NR2F6: variants seen among roughly 807,000 people sequenced by gnomAD.
NR2F6 encodes the protein nuclear receptor subfamily 2 group F member 6.
NR2F6 carries 16 observed loss-of-function variants against 26.5 expected under a neutral mutation model. That is an observed-to-expected ratio of 0.60 (90% CI 0.41 to 0.92). NR2F6 has a LOEUF of 0.92. NR2F6 is among the 40% of genes least tolerant of loss of function. The pLI, the probability that NR2F6 is intolerant of heterozygous loss-of-function variation, is 0.00. For missense variants in NR2F6, 536 were observed against 631.7 expected, an observed-to-expected ratio of 0.85 and a Z score of 1.62; for synonymous variants, 325 against 305.0, an observed-to-expected ratio of 1.07 and a Z score of -0.68.
rs1233486661 is a variant in NR2F6, at chr19:17,232,641, G to T, written c.941-15C>A. On this transcript the variant is annotated splice_polypyrimidine_tract_variant and intron_variant, in intron 3 of 3. Transcript: ENST00000291442. ...GCCACAGGCGTCTAGGGGGACAAAG[G>T]CAAGTCAGACAGGTGGGAGGCAGCT... is the stretch of plus-strand genomic sequence containing the variant. 1 of 1,519,712 alleles carries T rather than the reference G, an allele frequency of 6.6e-7. No homozygotes were observed. The highest frequency in any genetic ancestry group is 2.1e-5 in the Admixed American group (1 of 47,440). The allele number at this position is 1,519,712 out of a possible 1,614,324, so 94.1% of individuals were successfully genotyped here. A position where few individuals can be genotyped will look rare whatever the true frequency, so the allele number is the denominator to read the frequency against.
rs1422517010 is a variant in NR2F6 at position 17,245,846 on chromosome 19, C to T, written c.-626G>A. 6.8e-6 allele frequency: 1 copy of T among 146,750 alleles called. No homozygotes were observed. The highest frequency in any genetic ancestry group is 2.0e-4 in the East Asian group (1 of 5,072). 9.1% of individuals were successfully genotyped at this position (146,750 alleles called of 1,614,324 possible). A position where few individuals can be genotyped will look rare whatever the true frequency, so the allele number is the denominator to read the frequency against. ...GCTCCTGCCTGGCCTGGGCCTGCGCCTGGGCCCAAGCCTCGCTCTCGCCGC... is the reference window on the plus strand; with the variant it reads ...GCTCCTGCCTGGCCTGGGCCTGCGCTTGGGCCCAAGCCTCGCTCTCGCCGC... On this transcript the variant is annotated 5_prime_UTR_variant, in exon 1 of 4. Transcript: ENST00000291442. The surrounding 1 kb of genome is among the most constrained non-coding windows in gnomAD (Gnocchi z 5.0).
chr19:17,241,611 C>T (rs1001348808), intron 1 of NR2F6, among the ~76,000 whole-genome samples: 1 of 152,274 alleles, frequency 6.6e-6, no homozygotes, highest in Non-Finnish European at 1.5e-5. Context: ...TCTCTTGCCA[C>T]CAGGAGCTGG....
chr19:17,241,167 G>T (rs2073467155), intron 1 of NR2F6, among the ~76,000 whole-genome samples: 1 of 152,186 alleles, frequency 6.6e-6, no homozygotes, highest in Non-Finnish European at 1.5e-5. Flanking sequence ...GCTGAGCAGG[G>T]TCATTGTCCC....
Position 17,245,251 on chromosome 19 carries a change from C to G in NR2F6, c.-31G>C. ...CAGGGCAGCGGGGCCGGGGCGCCCC[C>G]ACCGCGCTCTTCCCTCCGGGCACCC... On this transcript the variant is annotated 5_prime_UTR_variant, in exon 1 of 4. Coordinates refer to ENST00000291442, the MANE Select transcript of NR2F6 (RefSeq NM_005234.4). The surrounding 1 kb of genome is among the most constrained non-coding windows in gnomAD (Gnocchi z 5.0). 1 of 1,232,918 alleles carries G rather than the reference C, an allele frequency of 8.1e-7. No homozygotes were observed. Among genetic ancestry groups the G allele is most frequent in the Non-Finnish European group, 1.0e-6 (1 of 990,896 alleles). The allele number at this position is 1,232,918 out of a possible 1,614,324, so 76.4% of individuals were successfully genotyped here. A position where few individuals can be genotyped will look rare whatever the true frequency, so the allele number is the denominator to read the frequency against.
chr19:17,240,848 G>T, intron 1 of NR2F6, 83 bp from the exon 2 acceptor site: 1 of 1,378,748 alleles, frequency 7.3e-7, no homozygotes, highest in Non-Finnish European at 1.0e-6. Flanking sequence ...TTTGGAGGCT[G>T]CCCCTCAGAA....
intron 2 of NR2F6, among the ~76,000 whole-genome samples, chr19:17,238,012 C>T (rs2073449099): frequency 6.6e-6 from 1 of 152,124 alleles, no homozygotes; most frequent in South Asian, 2.1e-4. Flanking sequence ...TGGTAGCGAA[C>T]ACCTGTAATC....
chr19:17,242,728 T>C (rs1373456908), intron 1 of NR2F6, among the ~76,000 whole-genome samples: 1 of 152,158 alleles, frequency 6.6e-6, no homozygotes, highest in African/African-American at 2.4e-5. Context: ...GGGGCGGCCC[T>C]GCAGGCAGGC....
At chr19:17,240,562 G>T in intron 2 of NR2F6, 109 bp downstream of exon 2, 4 of 1,052,462 alleles carry the variant, frequency 3.8e-6, no homozygotes, top group Non-Finnish European at 5.6e-6. Context: ...CCAGACCCCT[G>T]TGAAAGGGAG....
Position 17,235,919 on chromosome 19 carries a change from G to A in NR2F6, c.520C>T (p.Leu174=). The A allele has an allele frequency of 6.8e-7, 1 of 1,479,816 alleles. No individual in the cohort carries two copies. Among genetic ancestry groups the A allele is most frequent in the East Asian group, 2.9e-5 (1 of 34,466 alleles). The allele number at this position is 1,479,816 out of a possible 1,614,324, so 91.7% of individuals were successfully genotyped here. A position where few individuals can be genotyped will look rare whatever the true frequency, so the allele number is the denominator to read the frequency against. The change falls in exon 3 of 4, where the codon CTG becomes TTG. Residue 174 remains leucine (L), a synonymous_variant. Transcript: ENST00000291442. The surrounding 1 kb of genome is among the most constrained non-coding windows in gnomAD (Gnocchi z 5.0). The stretch of plus-strand genomic sequence containing the variant: ...GCCGCAGGGTAGGGCTCAGCGCGCA[G>A]CAGCTGCGCGATCAGTTCGGACACC... The part of the protein sequence containing the change: ...QPVSELIAQL[L]RAEPYPAAAG...
intron 1 of NR2F6, among the ~76,000 whole-genome samples, chr19:17,241,995 G>A (rs2073472110): frequency 7.1e-6 from 1 of 141,600 alleles, no homozygotes; most frequent in South Asian, 2.2e-4. Context: ...CAGCCAGGGT[G>A]ACAGAGTGAG....
Position 17,232,638 on chromosome 19 carries a change from A to C in NR2F6, c.941-12T>G. On this transcript the variant is annotated splice_polypyrimidine_tract_variant and intron_variant, in intron 3 of 3. Transcript: ENST00000291442. ...GAGGCCACAGGCGTCTAGGGGGACA[A>C]AGGCAAGTCAGACAGGTGGGAGGCA... 6.6e-7 allele frequency: 1 copy of C among 1,520,520 alleles called. No individual in the cohort carries two copies. The highest frequency in any genetic ancestry group is 8.8e-7 in the Non-Finnish European group (1 of 1,139,710). 94.2% of individuals were successfully genotyped at this position (1,520,520 alleles called of 1,614,324 possible).
rs1233486661 is a variant in NR2F6, at chr19:17,232,641, G to A, written c.941-15C>T. On this transcript the variant is annotated splice_polypyrimidine_tract_variant and intron_variant, in intron 3 of 3. Coordinates refer to ENST00000291442, the MANE Select transcript of NR2F6 (RefSeq NM_005234.4). Reference sequence around the variant, plus strand: ...GCCACAGGCGTCTAGGGGGACAAAGGCAAGTCAGACAGGTGGGAGGCAGCT... The same window carrying A: ...GCCACAGGCGTCTAGGGGGACAAAGACAAGTCAGACAGGTGGGAGGCAGCT... The A allele has an allele frequency of 6.6e-7, 1 of 1,519,710 alleles. No individual in the cohort carries two copies. Among genetic ancestry groups the A allele is most frequent in the Non-Finnish European group, 8.8e-7 (1 of 1,139,504 alleles). 94.1% of individuals were successfully genotyped at this position (1,519,710 alleles called of 1,614,324 possible). A position where few individuals can be genotyped will look rare whatever the true frequency, so the allele number is the denominator to read the frequency against.
chr19:17,236,866 G>A (rs1329085442), intron 2 of NR2F6, among the ~76,000 whole-genome samples: 1 of 152,232 alleles, frequency 6.6e-6, no homozygotes, highest in Non-Finnish European at 1.5e-5. Context: ...GAAGCGGGGA[G>A]GCCCTGCTGC....
intron 2 of NR2F6, among the ~76,000 whole-genome samples, chr19:17,240,032 C>A (rs1437112268): frequency 1.3e-5 from 2 of 152,098 alleles, no homozygotes; most frequent in East Asian, 3.9e-4. Context: ...TACTTGAATT[C>A]TAAGGGGGTT....
intron 3 of NR2F6, among the ~76,000 whole-genome samples, chr19:17,232,976 C>T (rs1162887338): frequency 6.6e-6 from 1 of 152,070 alleles, no homozygotes; most frequent in Non-Finnish European, 1.5e-5. Context: ...GATGATATTC[C>T]GTCTCTACTA....
intron 1 of NR2F6, among the ~76,000 whole-genome samples, chr19:17,241,023 G>T (rs1402383478): frequency 2.0e-5 from 3 of 152,210 alleles, no homozygotes; most frequent in Non-Finnish European, 4.4e-5. Context: ...ATTGGCATGG[G>T]TTTTGAAGGA....
Position 17,232,443 on chromosome 19 carries a change from C to G in NR2F6, c.1124G>C (p.Arg375Pro). The G allele has an allele frequency of 6.2e-7, 1 of 1,614,080 alleles. No homozygotes were observed. Among genetic ancestry groups the G allele is most frequent in the Non-Finnish European group, 8.5e-7 (1 of 1,180,000 alleles). ...ASLISQLFFM[R>P]LVGKTPIETL... ...CTCAATGGGCGTCTTCCCCACCAGGCGCATGAAGAACAGCTGGGAGATGAG... is the reference window on the plus strand; with the variant it reads ...CTCAATGGGCGTCTTCCCCACCAGGGGCATGAAGAACAGCTGGGAGATGAG... The change falls in exon 4 of 4, where the codon CGC becomes CCC. Residue 375 changes from arginine (R) to proline (P), a missense_variant. Coordinates refer to ENST00000291442, the MANE Select transcript of NR2F6 (RefSeq NM_005234.4).
intron 2 of NR2F6, among the ~76,000 whole-genome samples, chr19:17,237,761 G>A (rs2073447733): frequency 6.6e-6 from 1 of 152,130 alleles, no homozygotes; most frequent in Non-Finnish European, 1.5e-5. Context: ...CAGCTCTTCA[G>A]CCCAGACTGT....
At chr19:17,236,140 C>CGGGGGAGGGACAGGAGAT in intron 2 of NR2F6, 75 bp from the exon 3 acceptor site, 1 of 4,440 alleles carries the variant, frequency 2.3e-4, no homozygotes, top group African/African-American at 1.3e-3. Flanking sequence ...CAGCAGGAAA[C>CGGGGGAGGGACAGGAGAT]GGGGGAGGGA....
Sources: allele counts gnomAD v4.1 joint callset (sites outside exome capture counted in the v4.1 genomes callset), GRCh38; gene constraint gnomAD v4.1.1; non-coding constraint Gnocchi (gnomAD v3.1); transcripts MANE v1.5; gene names NCBI Gene and HGNC (gene_info 2026-07-23, HGNC 2026-07-21).